EVI5L: variants seen among roughly 807,000 people sequenced by gnomAD.
EVI5L encodes the protein ecotropic viral integration site 5 like.
Under a neutral mutation model 106.1 loss-of-function variants are expected in EVI5L, and 30 were observed. The observed-to-expected ratio is 0.28, with a 90% confidence interval of 0.21 to 0.38. The LOEUF (loss-of-function observed/expected upper bound fraction) is 0.38, where lower values mean the gene tolerates loss of function less well. Among genes scored for constraint, EVI5L ranks in the 10% least tolerant of loss-of-function variants. The pLI is 1.00. For synonymous variants in EVI5L, 489 were observed against 483.3 expected (o/e 1.01, Z -0.15); for missense variants, 809 against 1,098.0 (o/e 0.74, Z 3.72).
intron 1 of EVI5L, among the ~76,000 whole-genome samples, chr19:7,833,044 A>G (rs1349501064): frequency 6.6e-6 from 1 of 152,168 alleles, no homozygotes; most frequent in Non-Finnish European, 1.5e-5. Flanking sequence ...TGGGGTATGA[A>G]GGCTTCCCAG....
rs1051394975 is a variant in EVI5L at position 7,835,895 on chromosome 19, C to T, written c.-48+5514C>T. On this transcript the variant is annotated intron_variant, in intron 1 of 19. Coordinates refer to ENST00000538904, the MANE Select transcript of EVI5L (RefSeq NM_001159944.3). The surrounding 1 kb of genome is among the most constrained non-coding windows in gnomAD (Gnocchi z 4.1). ...ACATGGCATCTTGGGCTTTAGATTC[C>T]GAAATGAGTCTGTGTCCCTGGTAAT... Among the ~76,000 whole-genome samples, 1 of 152,086 alleles carries T rather than the reference C, an allele frequency of 6.6e-6. No individual in the cohort carries two copies. Among genetic ancestry groups the T allele is most frequent in the Non-Finnish European group, 1.5e-5 (1 of 68,006 alleles).
chr19:7,841,644 C>T (rs890289695), intron 1 of EVI5L, among the ~76,000 whole-genome samples: 3 of 152,114 alleles, frequency 2.0e-5, no homozygotes, highest in African/African-American at 7.2e-5. Flanking sequence ...GTCCAGGACC[C>T]CCCTTCAGAT....
In EVI5L at chr19:7,835,838, C is replaced by G. The variant is rs147098733; in HGVS notation, c.-48+5457C>G. Among the ~76,000 whole-genome samples, 3 of 152,350 alleles carry G rather than the reference C, an allele frequency of 2.0e-5. No individual in the cohort carries two copies. The East Asian group carries it at 5.8e-4, about 29-fold the overall frequency. ...CAGAGGTCAGAGCCAGCCAAGACAG[C>G]AGCAGTCTGTCAGGCTAGACAAATC... On this transcript the variant is annotated intron_variant, in intron 1 of 19. Transcript: ENST00000538904. This position sits in a 1 kb window ranked among gnomAD's most constrained non-coding sequence, Gnocchi z 4.1.
intron 1 of EVI5L, among the ~76,000 whole-genome samples, chr19:7,844,347 A>AAGAAAGAAAG (rs1555692440): frequency 1.6e-4 from 22 of 140,904 alleles, no homozygotes; most frequent in South Asian, 9.2e-4. Flanking sequence ...AAAAAAAAAA[A>AAGAAAGAAAG]AAAGAAAGAA....
chr19:7,847,642 C>T, intron 2 of EVI5L, 90 bp from the exon 3 acceptor site: 2 of 1,370,092 alleles, frequency 1.5e-6, no homozygotes, highest in Non-Finnish European at 2.0e-6. Context: ...TCCTCTAAGA[C>T]CCCCAGGAGG....
rs193137808 is a variant in EVI5L, at chr19:7,847,873, C to A, written c.279C>A (p.Ile93=). The change falls in exon 3 of 20, where the codon ATC becomes ATA. Residue 93 remains isoleucine, a synonymous_variant. Coordinates refer to ENST00000538904, the MANE Select transcript of EVI5L (RefSeq NM_001159944.3). ...EEDTWILWGR[I]ANEWEEWRRR... is the part of the protein sequence containing the mutation. ...ACACGTGGATCCTGTGGGGCCGGAT[C>A]GCCAACGAGTGGGAGGAGTGGCGGC... The A allele has an allele frequency of 3.1e-6, 5 of 1,591,068 alleles. No individual in the cohort carries two copies. The highest frequency in any genetic ancestry group is 4.3e-6 in the Non-Finnish European group (5 of 1,168,638).
Position 7,863,149 on chromosome 19 carries a change from T to A in EVI5L, c.2044-36T>A, listed in dbSNP as rs1332291254. 6.5e-7 allele frequency: 1 copy of A among 1,544,824 alleles called. No individual in the cohort carries two copies. Among genetic ancestry groups the A allele is most frequent in the African/African-American group, 1.4e-5 (1 of 72,638 alleles). On this transcript the variant is annotated intron_variant, in intron 18 of 19. Coordinates refer to ENST00000538904, the MANE Select transcript of EVI5L (RefSeq NM_001159944.3). The surrounding 1 kb of genome is among the most constrained non-coding windows in gnomAD (Gnocchi z 7.7). ...GCGGGGCCGGACCCCAGGCCCAGCA[T>A]GGCACTGGCCCCGCGTGACCTGGCG...
rs1383409938 is a variant in EVI5L at position 7,864,438 on chromosome 19, A to T, written c.*736A>T. On this transcript the variant is annotated 3_prime_UTR_variant, in exon 20 of 20. Coordinates refer to ENST00000538904, the MANE Select transcript of EVI5L (RefSeq NM_001159944.3). The surrounding 1 kb of genome is among the most constrained non-coding windows in gnomAD (Gnocchi z 4.5). Reference sequence around the variant, plus strand: ...CCAGTGCCCCACATCTTTCTCTGGGAGACACTCGCGCCCCCTATCCTGGCC... The same window carrying T: ...CCAGTGCCCCACATCTTTCTCTGGGTGACACTCGCGCCCCCTATCCTGGCC... The T allele has an allele frequency of 6.6e-6, 1 of 152,326 alleles. No homozygotes were observed. The highest frequency in any genetic ancestry group is 1.5e-5 in the Non-Finnish European group (1 of 68,022). The allele number at this position is 152,326 out of a possible 1,614,324, so 9.4% of individuals were successfully genotyped here. A position where few individuals can be genotyped will look rare whatever the true frequency, so the allele number is the denominator to read the frequency against.
chr19:7,834,345 A>T (rs1015986994), intron 1 of EVI5L, among the ~76,000 whole-genome samples: 3 of 152,216 alleles, frequency 2.0e-5, no homozygotes, highest in East Asian at 1.9e-4. Flanking sequence ...TACAAATTTT[A>T]AAAATTTTTA....
At chr19:7,841,153 AAC>A (rs1978583950) in intron 1 of EVI5L, among the ~76,000 whole-genome samples, 1 of 152,126 alleles carries the variant, frequency 6.6e-6, no homozygotes, top group Non-Finnish European at 1.5e-5. Context: ...CTGCGGGGGA[AAC>A]ACAGAACATG....
Position 7,861,953 on chromosome 19 carries a change from G to A in EVI5L, c.1579G>A (p.Gly527Ser). 6.5e-7 allele frequency: 1 copy of A among 1,550,104 alleles called. No homozygotes were observed. Among genetic ancestry groups the A allele is most frequent in the South Asian group, 1.2e-5 (1 of 84,048 alleles). ...EELKALKVRE[G>S]QAVASTRELK... ...GCTGAAGGCGCTCAAGGTGCGGGAA[G>A]GCCAGGCGGTGGCCTCGACGCGAGA... The change falls in exon 15 of 20, where the codon GGC becomes AGC. Residue 527 changes from glycine (G) to serine (S), a missense_variant. Coordinates refer to ENST00000538904, the MANE Select transcript of EVI5L (RefSeq NM_001159944.3).
chr19:7,863,185 AG>A lies in EVI5L; in HGVS notation c.2047del (p.Glu683ArgfsTer9). On this transcript the variant is annotated frameshift_variant and splice_region_variant, in exon 19 of 20. Transcript: ENST00000538904. LOFTEE classifies it high-confidence loss of function. This position sits in a 1 kb window ranked among gnomAD's most constrained non-coding sequence, Gnocchi z 7.7. ...CCGCGTGACCTGGCGCACCCCGCAG[AG>A]GGAGGAAGGCCGCATCCAGGGCCAG... Reference protein sequence around the residue: ...RQRIAELEIQREEGRIQGQLN... With the variant: ...RQRIAELEIQXEEGRIQGQLN... 1 of 1,555,130 alleles carries A rather than the reference AG, an allele frequency of 6.4e-7. No individual in the cohort carries two copies.
intron 5 of EVI5L, among the ~76,000 whole-genome samples, chr19:7,849,624 C>G (rs1481486968): frequency 2.0e-5 from 3 of 152,188 alleles, no homozygotes; most frequent in African/African-American, 7.2e-5. Context: ...AGGCTGGGGA[C>G]TTAAGCCATC....
rs1016687760 is a variant in EVI5L, at chr19:7,863,599, G to A, written c.2315G>A (p.Arg772His). 3.2e-6 allele frequency: 5 copies of A among 1,578,266 alleles called. No individual in the cohort carries two copies. Among genetic ancestry groups the A allele is most frequent in the Middle Eastern group, 1.7e-4 (1 of 6,038 alleles). Residue 772 changes from arginine (R) to histidine (H), a missense_variant, in exon 20 of 20, where the codon CGC (arginine) becomes CAC (histidine). Physicochemically the swap from Arg to His is conservative, Grantham distance 29. Transcript: ENST00000538904. This position sits in a 1 kb window ranked among gnomAD's most constrained non-coding sequence, Gnocchi z 7.7. Reference sequence around the variant, plus strand: ...TACCCTCTGTCCCCGCGCGATGCGCGCTTCTTCCGCCGTCTGGAGCGGCCG... The same window carrying A: ...TACCCTCTGTCCCCGCGCGATGCGCACTTCTTCCGCCGTCTGGAGCGGCCG... ...ALYPLSPRDA[R>H]FFRRLERPAK...
At chr19:7,844,122 G>T (rs1182831497) in intron 1 of EVI5L, among the ~76,000 whole-genome samples, 2 of 151,868 alleles carry the variant, frequency 1.3e-5, no homozygotes. Context: ...GGAGGCCGAG[G>T]CAGATGGATT....
At position 7,858,504 on chromosome 19, in the gene EVI5L, C is replaced by T. The variant is rs1979647710; in HGVS notation, c.1374+173C>T. ...AGCGCAGATTCTCCCCCAGCAGCTCCACATTCTGAGACATCCTGATATCCA... is the reference window on the plus strand; with the variant it reads ...AGCGCAGATTCTCCCCCAGCAGCTCTACATTCTGAGACATCCTGATATCCA... On this transcript the variant is annotated intron_variant, in intron 13 of 19. Transcript: ENST00000538904. This position sits in a 1 kb window ranked among gnomAD's most constrained non-coding sequence, Gnocchi z 5.7. 4 of 808,656 alleles carry T rather than the reference C, an allele frequency of 4.9e-6. No homozygotes were observed. Among genetic ancestry groups the T allele is most frequent in the African/African-American group, 3.5e-5 (2 of 57,458 alleles). 50.1% of individuals were successfully genotyped at this position (808,656 alleles called of 1,614,324 possible).
Position 7,856,039 on chromosome 19 carries a change from CT to C in EVI5L, c.1172del (p.Leu391ArgfsTer8). On this transcript the variant is annotated frameshift_variant, in exon 11 of 20. Coordinates refer to ENST00000538904, the MANE Select transcript of EVI5L (RefSeq NM_001159944.3). LOFTEE classifies it high-confidence loss of function. This position sits in a 1 kb window ranked among gnomAD's most constrained non-coding sequence, Gnocchi z 6.6. ...IKRLRTENRL[L>X]KQRIETLEKE... ...GAGACTTCGGACGGAGAACCGGCTC[CT>C]GAAACAGCGGATTGAAACCCTAGAG... 7.5e-7 allele frequency: 1 copy of C among 1,329,518 alleles called. No individual in the cohort carries two copies. Among genetic ancestry groups the C allele is most frequent in the Non-Finnish European group, 9.7e-7 (1 of 1,030,084 alleles). The allele number at this position is 1,329,518 out of a possible 1,614,324, so 82.4% of individuals were successfully genotyped here. A position where few individuals can be genotyped will look rare whatever the true frequency, so the allele number is the denominator to read the frequency against.
Position 7,851,670 on chromosome 19 carries a change from C to T in EVI5L, c.898-11C>T, listed in dbSNP as rs370383278. On this transcript the variant is annotated splice_polypyrimidine_tract_variant and intron_variant, in intron 7 of 19. Coordinates refer to ENST00000538904, the MANE Select transcript of EVI5L (RefSeq NM_001159944.3). The stretch of plus-strand genomic sequence containing the variant: ...GCCCTCCACCTCCCACTGCCTTTGC[C>T]GCCTTTGCAGGGGCTGGAGATCGTG... The T allele has an allele frequency of 3.9e-5, 62 of 1,585,300 alleles. No individual in the cohort carries two copies. The highest frequency in any genetic ancestry group is 2.7e-5 in the African/African-American group (2 of 73,432).
At chr19:7,831,937 A>G (rs1383258391) in intron 1 of EVI5L, among the ~76,000 whole-genome samples, 1 of 152,294 alleles carries the variant, frequency 6.6e-6, no homozygotes, top group Non-Finnish European at 1.5e-5. Context: ...GGGGCCTGCC[A>G]GAAGCAGGCA....
Sources: allele counts gnomAD v4.1 joint callset (sites outside exome capture counted in the v4.1 genomes callset), GRCh38; gene constraint gnomAD v4.1.1; non-coding constraint Gnocchi (gnomAD v3.1); transcripts MANE v1.5; gene names NCBI Gene and HGNC (gene_info 2026-07-23, HGNC 2026-07-21).